Variants in SLC2A14 observed in about 807,000 individuals in gnomAD.
SLC2A14 encodes solute carrier family 2, facilitated glucose transporter member 14.
In SLC2A14, 13 loss-of-function variants were observed where a neutral mutation model predicts 43.0. The observed-to-expected ratio is 0.30, with a 90% CI of 0.20 to 0.48. SLC2A14 has a LOEUF of 0.48. Ranked by LOEUF, SLC2A14 falls within the 20% of genes least tolerant of loss-of-function variation. The pLI, the probability that SLC2A14 is intolerant of heterozygous loss-of-function variation, is 0.99. For synonymous variants in SLC2A14, 190 were observed against 233.8 expected, an observed-to-expected ratio of 0.81 and a Z score of 1.71; for missense variants, 428 against 620.4, an observed-to-expected ratio of 0.69 and a Z score of 3.29.
chr12:7,890,661 A>T (rs942330245), intron 1 of SLC2A14: 7 of 166,864 alleles, frequency 4.2e-5, no homozygotes, highest in African/African-American at 1.7e-4. Context: ...GAACATAGTA[A>T]GTTGGCCTTC....
chr12:7,874,430 T>C (rs1945374001), upstream of SLC2A14, among the ~76,000 whole-genome samples: 2 of 151,864 alleles, frequency 1.3e-5, no homozygotes, highest in South Asian at 4.1e-4. Context: ...TCCCAGCACT[T>C]TGGGAGGCCG....
At position 7,888,831 on chromosome 12, in the gene SLC2A14, A is replaced by G. The variant is rs561275401; in HGVS notation, c.132+2165T>C. 2.6e-5 allele frequency among the ~76,000 whole-genome samples: 4 copies of G among 151,414 alleles called. No individual in the cohort carries two copies. In the South Asian group the frequency reaches 6.2e-4, roughly 24 times the overall value. On this transcript the variant is annotated intron_variant, in intron 1 of 9. Coordinates refer to the SLC2A14 transcript ENST00000539924. ...AAAAAAAAAAGAAAAAAGGAATATC[A>G]GGAGAATATAGACTAATTAGAAGAG...
At chr12:7,869,717 G>C in intron 2 of SLC2A14, 146 bp downstream of exon 2, 1 of 524,938 alleles carries the variant, frequency 1.9e-6, no homozygotes, top group African/African-American at 1.9e-5. Flanking sequence ...TACCAAGTCT[G>C]TTGGCTGTAA....
chr12:7,836,569 C>T (rs981348978), intron 2 of SLC2A14, among the ~76,000 whole-genome samples: 6 of 152,098 alleles, frequency 3.9e-5, no homozygotes, highest in African/African-American at 1.4e-4. Flanking sequence ...GTGGCTCACA[C>T]CTGTAAGCCC....
chr12:7,882,348 C>T (rs1945597209), intron 1 of SLC2A14, among the ~76,000 whole-genome samples: 1 of 151,946 alleles, frequency 6.6e-6, no homozygotes, highest in South Asian at 2.1e-4. Flanking sequence ...AAAGTCCAAA[C>T]ACATCTGAAC....
At chr12:7,817,316 T>C (rs1012169636) in intron 10 of SLC2A14, among the ~76,000 whole-genome samples, 1 of 152,072 alleles carries the variant, frequency 6.6e-6, no homozygotes, top group Non-Finnish European at 1.5e-5. Flanking sequence ...GGTTTCTCCA[T>C]GTTGGTCAGA....
intron 7 of SLC2A14, among the ~76,000 whole-genome samples, chr12:7,823,193 G>T (rs1278607441): frequency 6.6e-6 from 1 of 151,874 alleles, no homozygotes; most frequent in African/African-American, 2.4e-5. Context: ...GACCAGCCTA[G>T]CCAACATGGT....
At chr12:7,845,639 C>T (rs35242097) in intron 2 of SLC2A14, among the ~76,000 whole-genome samples, 1 of 151,532 alleles carries the variant, frequency 6.6e-6, no homozygotes, top group African/African-American at 2.4e-5. Context: ...ATTAGCCGGG[C>T]GTGGTGGCAG....
At chr12:7,870,645 C>T (rs1436954257) in intron 1 of SLC2A14, among the ~76,000 whole-genome samples, 2 of 152,082 alleles carry the variant, frequency 1.3e-5, no homozygotes, top group Non-Finnish European at 2.9e-5. Context: ...GCTACCTTCC[C>T]CACCCTGCGC....
At chr12:7,862,196 G>T (rs1381009538) in intron 2 of SLC2A14, among the ~76,000 whole-genome samples, 1 of 140,922 alleles carries the variant, frequency 7.1e-6, no homozygotes. Flanking sequence ...CCCAGGAGGC[G>T]GAGGTTGCAG....
At position 7,836,863 on chromosome 12, in the gene SLC2A14, T is replaced by TA. The variant is rs112954696; in HGVS notation, c.19-4050dup. On this transcript the variant is annotated intron_variant, in intron 2 of 10. Coordinates refer to ENST00000431042, the MANE Select transcript of SLC2A14 (RefSeq NM_001286234.2). ...AAAAAGAAAATTTCAGTAGCCACAT[T>TA]AAAAAAATAAAAAGAAACATATTGG... Among the ~76,000 whole-genome samples the TA allele has an allele frequency of 3.3e-3, 497 of 150,786 alleles. 1 individual carries two copies. Among genetic ancestry groups the TA allele is most frequent in the African/African-American group, 0.011 (455 of 41,054 alleles).
At chr12:7,859,558 G>A (rs1199871789) in intron 2 of SLC2A14, among the ~76,000 whole-genome samples, 1 of 152,086 alleles carries the variant, frequency 6.6e-6, no homozygotes, top group Non-Finnish European at 1.5e-5. Context: ...CAAGATGATT[G>A]GAAATGAGTG....
intron 1 of SLC2A14, chr12:7,872,208 G>A (rs1387075717): frequency 6.6e-6 from 1 of 152,148 alleles, no homozygotes; most frequent in Non-Finnish European, 1.5e-5. Context: ...AATTTCCTAA[G>A]ACAATTCCAA....
At chr12:7,888,647 A>T (rs1388609571) in intron 1 of SLC2A14, among the ~76,000 whole-genome samples, 1 of 151,806 alleles carries the variant, frequency 6.6e-6, no homozygotes, top group African/African-American at 2.4e-5. Flanking sequence ...AAAATACAAA[A>T]ATTAGCCAGG....
chr12:7,890,425 A>C (rs1453025281), intron 1 of SLC2A14, among the ~76,000 whole-genome samples: 1 of 151,942 alleles, frequency 6.6e-6, no homozygotes, highest in Non-Finnish European at 1.5e-5. Context: ...TTCCCTGCCC[A>C]TCCCTTCCCG....
intron 3 of SLC2A14, among the ~76,000 whole-genome samples, chr12:7,832,392 C>G (rs1276530040): frequency 6.6e-6 from 1 of 152,130 alleles, no homozygotes; most frequent in Non-Finnish European, 1.5e-5. Context: ...AAGAACAGCA[C>G]TGCCCAGGGT....
At chr12:7,874,811 CGTATTT>C (rs1945398558), upstream of SLC2A14, among the ~76,000 whole-genome samples, 1 of 8,446 alleles carries the variant, frequency 1.2e-4, no homozygotes, top group African/African-American at 3.4e-4. Flanking sequence ...TATATAAATA[CGTATTT>C]ATATATAAAT....
At chr12:7,879,937 C>A (rs1411998292) in intron 1 of SLC2A14, among the ~76,000 whole-genome samples, 1 of 151,098 alleles carries the variant, frequency 6.6e-6, no homozygotes, top group African/African-American at 2.4e-5. Flanking sequence ...ACCTGGAAGG[C>A]GGAGGTTGCA....
chr12:7,853,871 T>C (rs1206371359), intron 2 of SLC2A14, among the ~76,000 whole-genome samples: 1 of 152,192 alleles, frequency 6.6e-6, no homozygotes, highest in Non-Finnish European at 1.5e-5. Context: ...CAATATTGAA[T>C]GTGCTTAGAA....
Sources: allele counts gnomAD v4.1 joint callset (sites outside exome capture counted in the v4.1 genomes callset), GRCh38; gene constraint gnomAD v4.1.1; transcripts MANE v1.5; gene names NCBI Gene and HGNC (gene_info 2026-07-23, HGNC 2026-07-21).